SLC9A9: variants seen among roughly 807,000 people sequenced by gnomAD.
The protein encoded by SLC9A9 is sodium/hydrogen exchanger 9.
Under a neutral mutation model 77.8 loss-of-function variants are expected in SLC9A9, and 62 were observed. That is an observed-to-expected ratio of 0.80 (90% CI 0.65 to 0.98). The LOEUF is 0.98. Among genes scored for constraint, SLC9A9 ranks in the 50% least tolerant of loss-of-function variants. SLC9A9 has a pLI of 0.00. For synonymous variants in SLC9A9, 320 were observed against 283.5 expected (o/e 1.13, Z -1.29); for missense variants, 775 against 774.9 (o/e 1.00, Z 0.00).
At chr3:143,606,278 G>A (rs931556375) in intron 6 of SLC9A9, among the ~76,000 whole-genome samples, 9 of 151,556 alleles carry the variant, frequency 5.9e-5, no homozygotes, top group East Asian at 1.9e-4. Flanking sequence ...GGTGGCAGGC[G>A]CCTATAACCC....
intron 14 of SLC9A9, among the ~76,000 whole-genome samples, chr3:143,277,809 C>T (rs1938097399): frequency 6.6e-6 from 1 of 152,182 alleles, no homozygotes; most frequent in African/African-American, 2.4e-5. Context: ...GGTCACTTCC[C>T]TGACAATTTG....
intron 12 of SLC9A9, among the ~76,000 whole-genome samples, chr3:143,429,989 CT>C (rs996900862): frequency 2.0e-5 from 3 of 152,166 alleles, no homozygotes; most frequent in African/African-American, 7.2e-5. Flanking sequence ...AATGGCAGAG[CT>C]AGAAACTGAA....
chr3:143,660,140 A>G (rs2038957518), intron 5 of SLC9A9, among the ~76,000 whole-genome samples: 1 of 152,226 alleles, frequency 6.6e-6, no homozygotes, highest in African/African-American at 2.4e-5. Context: ...GAACAGACTA[A>G]TACAGTTATG....
At chr3:143,414,857 T>C (rs1354436343) in intron 12 of SLC9A9, among the ~76,000 whole-genome samples, 2 of 152,196 alleles carry the variant, frequency 1.3e-5, no homozygotes, top group African/African-American at 2.4e-5. Context: ...GGAAGGCATA[T>C]TGAAAGCCAA....
At chr3:143,769,855 G>A (rs2007456586) in intron 4 of SLC9A9, among the ~76,000 whole-genome samples, 1 of 152,168 alleles carries the variant, frequency 6.6e-6, no homozygotes, top group Non-Finnish European at 1.5e-5. Context: ...CCTTAGTGCA[G>A]AGATAAAATA....
chr3:143,353,017 A>C (rs1379135990), intron 14 of SLC9A9, among the ~76,000 whole-genome samples: 1 of 152,184 alleles, frequency 6.6e-6, no homozygotes. Context: ...ATCTGTGCAC[A>C]TGATAATTCC....
intron 5 of SLC9A9, among the ~76,000 whole-genome samples, chr3:143,674,329 C>A (rs1435018420): frequency 6.6e-6 from 1 of 152,128 alleles, no homozygotes; most frequent in Non-Finnish European, 1.5e-5. Flanking sequence ...CCAATCCCAA[C>A]CTCATTTTTA....
chr3:143,830,128 A>G (rs1363900654), intron 2 of SLC9A9, among the ~76,000 whole-genome samples: 1 of 152,216 alleles, frequency 6.6e-6, no homozygotes, highest in African/African-American at 2.4e-5. Flanking sequence ...TAAGCAACAA[A>G]TATGTATAGT....
chr3:143,843,026 C>T (rs2009744438), intron 1 of SLC9A9, among the ~76,000 whole-genome samples: 1 of 151,898 alleles, frequency 6.6e-6, no homozygotes, highest in African/African-American at 2.4e-5. Context: ...ACATCACTTG[C>T]CCAAAATAAT....
chr3:143,491,315 G>C (rs2035740869), intron 11 of SLC9A9, among the ~76,000 whole-genome samples: 1 of 152,108 alleles, frequency 6.6e-6, no homozygotes, highest in South Asian at 2.1e-4. Flanking sequence ...TTCTTCCAGA[G>C]GGTAAGGATG....
At chr3:143,826,238 G>A (rs1026567038) in intron 2 of SLC9A9, among the ~76,000 whole-genome samples, 1 of 148,678 alleles carries the variant, frequency 6.7e-6, no homozygotes, top group Admixed American at 6.7e-5. Flanking sequence ...CAGCCTGGGC[G>A]ACAGAGCAAG....
chr3:143,397,404 G>T (rs6767272), intron 12 of SLC9A9, among the ~76,000 whole-genome samples: 2 of 152,138 alleles, frequency 1.3e-5, no homozygotes, highest in African/African-American at 2.4e-5. Context: ...TGGGAAAAAA[G>T]AGGGACATTT....
intron 6 of SLC9A9, among the ~76,000 whole-genome samples, chr3:143,613,040 T>C (rs1163860204): frequency 6.6e-6 from 1 of 152,202 alleles, no homozygotes; most frequent in Non-Finnish European, 1.5e-5. Flanking sequence ...AATAACATAC[T>C]GCTTGTATTT....
intron 13 of SLC9A9, 109 bp from the exon 14 acceptor site, chr3:143,363,672 C>T (rs2032818758): frequency 2.0e-6 from 2 of 1,004,980 alleles, no homozygotes; most frequent in Non-Finnish European, 2.9e-6. Flanking sequence ...AAAAACCTTT[C>T]TAAGTATAGG....
At chr3:143,777,668 A>G (rs1243104868) in intron 4 of SLC9A9, among the ~76,000 whole-genome samples, 1 of 151,348 alleles carries the variant, frequency 6.6e-6, no homozygotes, top group Non-Finnish European at 1.5e-5. Context: ...AGAGGCATTA[A>G]TTAGTTTATT....
At chr3:143,605,985 T>A (rs577640098) in intron 6 of SLC9A9, among the ~76,000 whole-genome samples, 6 of 152,210 alleles carry the variant, frequency 3.9e-5, no homozygotes, top group Non-Finnish European at 8.8e-5. Context: ...CTCTGCTCCA[T>A]GCTATTTATA....
intron 6 of SLC9A9, among the ~76,000 whole-genome samples, chr3:143,581,948 C>T (rs2037461831): frequency 1.3e-5 from 2 of 152,146 alleles, no homozygotes; most frequent in African/African-American, 4.8e-5. Flanking sequence ...CTTTGGATGC[C>T]CAGGACACAG....
intron 9 of SLC9A9, among the ~76,000 whole-genome samples, chr3:143,546,424 C>T (rs1228517021): frequency 6.6e-6 from 1 of 152,284 alleles, no homozygotes; most frequent in African/African-American, 2.4e-5. Context: ...ACATCTATGT[C>T]CATCCCAACT....
chr3:143,673,745 C>T (rs1232947304), intron 5 of SLC9A9, among the ~76,000 whole-genome samples: 1 of 151,710 alleles, frequency 6.6e-6, no homozygotes, highest in Non-Finnish European at 1.5e-5. Flanking sequence ...TTCAATATGT[C>T]TAGGGGGGCA....
Sources: allele counts gnomAD v4.1 joint callset (sites outside exome capture counted in the v4.1 genomes callset), GRCh38; gene constraint gnomAD v4.1.1; transcripts MANE v1.5; gene names NCBI Gene and HGNC (gene_info 2026-07-23, HGNC 2026-07-21).